The following CAMTA1 variants were observed in gnomAD, a reference collection of about 807,000 sequenced individuals.
The protein encoded by CAMTA1 is calmodulin-binding transcription activator 1.
Under a neutral mutation model 170.9 loss-of-function variants are expected in CAMTA1, and 27 were observed. The observed-to-expected ratio is 0.16, with a 90% CI of 0.12 to 0.22. The LOEUF is 0.22. CAMTA1 is among the 10% of genes least tolerant of loss of function. CAMTA1 has a pLI of 1.00. For synonymous variants in CAMTA1, 833 were observed against 891.5 expected, an observed-to-expected ratio of 0.93 and a Z score of 1.17; for missense variants, 1,619 against 2,217.2, an observed-to-expected ratio of 0.73 and a Z score of 5.42.
intron 5 of CAMTA1, among the ~76,000 whole-genome samples, chr1:7,283,528 G>T (rs1344956501): frequency 6.6e-6 from 1 of 152,174 alleles, no homozygotes; most frequent in Non-Finnish European, 1.5e-5. Context: ...CATGGTGGAT[G>T]TCAAATGTTC....
intron 5 of CAMTA1, among the ~76,000 whole-genome samples, chr1:7,346,961 G>A (rs1413975803): frequency 6.6e-6 from 1 of 152,240 alleles, no homozygotes; most frequent in Admixed American, 6.5e-5. Context: ...CTGGCAGCCA[G>A]CACGGATGTG....
chr1:7,699,069 CT>C (rs2096410326), intron 11 of CAMTA1, among the ~76,000 whole-genome samples: 1 of 152,210 alleles, frequency 6.6e-6, no homozygotes, highest in African/African-American at 2.4e-5. Context: ...TTCTATACTT[CT>C]TCATTCTCTT....
At chr1:7,766,225 G>A (rs574243837) in intron 22 of CAMTA1, among the ~76,000 whole-genome samples, 22 of 150,140 alleles carry the variant, frequency 1.5e-4, no homozygotes, top group African/African-American at 3.7e-4. Context: ...TTCTTAGAGC[G>A]CTCGATGTAG....
At chr1:6,879,042 G>C (rs944741308) in intron 3 of CAMTA1, among the ~76,000 whole-genome samples, 1 of 152,154 alleles carries the variant, frequency 6.6e-6, no homozygotes, top group East Asian at 1.9e-4. Context: ...CTACTTTGCT[G>C]AACAGTGAAT....
At position 7,682,795 on chromosome 1, in the gene CAMTA1, C is replaced by T. The variant is rs895830561; in HGVS notation, c.2914+5062C>T. 1.3e-5 allele frequency among the ~76,000 whole-genome samples: 2 copies of T among 152,230 alleles called. No individual in the cohort carries two copies. Among genetic ancestry groups the T allele is most frequent in the African/African-American group, 4.8e-5 (2 of 41,454 alleles). ...CGGCCGCTCCTAGGCTGGCTCCCTCCCTCAGATCCACCCAGCCCACCTCCG... is the reference window on the plus strand; with the variant it reads ...CGGCCGCTCCTAGGCTGGCTCCCTCTCTCAGATCCACCCAGCCCACCTCCG... On this transcript the variant is annotated intron_variant, in intron 11 of 22. Transcript: ENST00000303635. The surrounding 1 kb of genome is among the most constrained non-coding windows in gnomAD (Gnocchi z 5.0).
intron 4 of CAMTA1, among the ~76,000 whole-genome samples, chr1:7,223,992 C>A (rs572857282): frequency 2.6e-5 from 4 of 152,168 alleles, no homozygotes; most frequent in Admixed American, 6.5e-5. Flanking sequence ...CTGAATAACT[C>A]GATCACCCCA....
chr1:6,840,031 T>G (rs1430724983), intron 3 of CAMTA1, among the ~76,000 whole-genome samples: 2 of 152,046 alleles, frequency 1.3e-5, no homozygotes, highest in Non-Finnish European at 2.9e-5. Flanking sequence ...TGAAACCCCA[T>G]CTCTACTAAA....
chr1:7,014,106 G>C lies in CAMTA1; in HGVS notation c.235-77198G>C, dbSNP rs1700195560. 6.6e-6 allele frequency: 1 copy of C among 152,434 alleles called. No individual in the cohort carries two copies. The highest frequency in any genetic ancestry group is 2.4e-5 in the African/African-American group (1 of 41,440). The allele number at this position is 152,434 out of a possible 1,614,324, so 9.4% of individuals were successfully genotyped here. ...TCTGAAGGGCTTGCTCTGCCAAGGG[G>C]ACCGGCTGGCTGGGGCAGCGCCTGG... On this transcript the variant is annotated intron_variant, in intron 3 of 22. Transcript: ENST00000303635. This position sits in a 1 kb window ranked among gnomAD's most constrained non-coding sequence, Gnocchi z 4.2.
chr1:6,996,693 G>GA (rs1697311573), intron 3 of CAMTA1, among the ~76,000 whole-genome samples: 3 of 145,106 alleles, frequency 2.1e-5, no homozygotes, highest in African/African-American at 8.0e-5. Context: ...AAAAAAAAAA[G>GA]AAAGAAAGAA....
chr1:7,274,466 A>C (rs1472392153), intron 5 of CAMTA1, among the ~76,000 whole-genome samples: 1 of 152,198 alleles, frequency 6.6e-6, no homozygotes, highest in Non-Finnish European at 1.5e-5. Flanking sequence ...AAAGTGACAG[A>C]ATTGAAAGGA....
At chr1:7,357,702 A>G (rs992536591) in intron 5 of CAMTA1, among the ~76,000 whole-genome samples, 2 of 151,216 alleles carry the variant, frequency 1.3e-5, no homozygotes, top group Non-Finnish European at 2.9e-5. Context: ...TATTATTTTT[A>G]TACAGATGTC....
At chr1:7,705,446 T>G (rs1390568052) in intron 11 of CAMTA1, among the ~76,000 whole-genome samples, 2 of 148,098 alleles carry the variant, frequency 1.4e-5, no homozygotes, top group African/African-American at 2.5e-5. Context: ...CGGATGAGCT[T>G]CTGGAGTGGT....
chr1:6,928,727 CG>C (rs1315616656), intron 3 of CAMTA1, among the ~76,000 whole-genome samples: 1 of 152,186 alleles, frequency 6.6e-6, no homozygotes, highest in Non-Finnish European at 1.5e-5. Flanking sequence ...TTATCAGGCC[CG>C]TCCTTGGCTT....
chr1:7,192,986 C>T (rs1421948231), intron 4 of CAMTA1, among the ~76,000 whole-genome samples: 2 of 152,146 alleles, frequency 1.3e-5, no homozygotes, highest in Non-Finnish European at 2.9e-5. Flanking sequence ...GGCAGGGGCT[C>T]ATCCCAGGTG....
intron 6 of CAMTA1, among the ~76,000 whole-genome samples, chr1:7,558,601 C>T (rs1400795070): frequency 1.3e-5 from 2 of 152,228 alleles, no homozygotes; most frequent in Non-Finnish European, 2.9e-5. Flanking sequence ...TGGGCATGGT[C>T]CTGAAGATGG....
In CAMTA1 at chr1:7,766,601, A is replaced by G. The variant is rs550596581; in HGVS notation, c.*110A>G. 8 of 842,946 alleles carry G rather than the reference A, an allele frequency of 9.5e-6. No homozygotes were observed. Among genetic ancestry groups the G allele is most frequent in the South Asian group, 1.4e-5 (1 of 69,774 alleles). The allele number at this position is 842,946 out of a possible 1,614,324, so 52.2% of individuals were successfully genotyped here. Reference sequence around the variant, plus strand: ...AACACACACGCACACACGCACACACACACACGTACACACACATACAAAATC... The same window carrying G: ...AACACACACGCACACACGCACACACGCACACGTACACACACATACAAAATC... On this transcript the variant is annotated 3_prime_UTR_variant, in exon 23 of 23. Transcript: ENST00000303635.
rs997964595 is a variant in CAMTA1 at position 7,609,918 on chromosome 1, C to T, written c.511-30482C>T. On this transcript the variant is annotated intron_variant, in intron 6 of 22. Coordinates refer to ENST00000303635, the MANE Select transcript of CAMTA1 (RefSeq NM_015215.4). The surrounding 1 kb of genome is among the most constrained non-coding windows in gnomAD (Gnocchi z 4.4). ...CTTCACCTCTCCTGGTCTTCATTCT[C>T]TTATTTGTGAAATGAGAGGGTAAAC... 6.6e-6 allele frequency among the ~76,000 whole-genome samples: 1 copy of T among 152,196 alleles called. No homozygotes were observed.
At chr1:7,174,638 G>A (rs1040862628) in intron 4 of CAMTA1, among the ~76,000 whole-genome samples, 2 of 152,206 alleles carry the variant, frequency 1.3e-5, no homozygotes, top group Non-Finnish European at 2.9e-5. Context: ...GCCGCATTTA[G>A]GGCGACTGCA....
At chr1:7,563,703 C>T (rs1323254970) in intron 6 of CAMTA1, among the ~76,000 whole-genome samples, 1 of 152,246 alleles carries the variant, frequency 6.6e-6, no homozygotes, top group Non-Finnish European at 1.5e-5. Context: ...TGGGACCACA[C>T]ATCTTTTTAT....
Sources: allele counts gnomAD v4.1 joint callset (sites outside exome capture counted in the v4.1 genomes callset), GRCh38; gene constraint gnomAD v4.1.1; non-coding constraint Gnocchi (gnomAD v3.1); transcripts MANE v1.5; gene names NCBI Gene and HGNC (gene_info 2026-07-23, HGNC 2026-07-21).